Variants in FOXP2 observed in about 807,000 individuals in gnomAD.
The protein encoded by FOXP2 is forkhead box P2, also known as forkhead box protein P2.
In FOXP2, 12 loss-of-function variants were observed where a neutral mutation model predicts 115.8. The observed-to-expected ratio is 0.10, with a 90% CI of 0.07 to 0.17. The LOEUF (loss-of-function observed/expected upper bound fraction) is 0.17. FOXP2 is among the 10% of genes least tolerant of loss of function. FOXP2 has a pLI of 1.00. For missense variants in FOXP2, 629 were observed against 843.5 expected, an observed-to-expected ratio of 0.75 and a Z score of 3.15; for synonymous variants, 328 against 297.7, an observed-to-expected ratio of 1.10 and a Z score of -1.05.
At chr7:114,426,478 T>C (rs1320085548) in intron 1 of FOXP2, 24 bp from the exon 2 acceptor site, 7 of 1,607,378 alleles carry the variant, frequency 4.4e-6, no homozygotes, top group Admixed American at 1.7e-5. Flanking sequence ...CGTGTGTTAA[T>C]TGATACTTCT....
intron 1 of FOXP2, among the ~76,000 whole-genome samples, chr7:114,216,224 A>G (rs1794481257): frequency 6.6e-6 from 1 of 152,230 alleles, no homozygotes; most frequent in Non-Finnish European, 1.5e-5. Context: ...TCGCCTCATG[A>G]ACATGTGCGG....
At chr7:114,232,302 A>C (rs1370063085) in intron 1 of FOXP2, among the ~76,000 whole-genome samples, 1 of 152,222 alleles carries the variant, frequency 6.6e-6, no homozygotes, top group Non-Finnish European at 1.5e-5. Context: ...GTAAACAGTA[A>C]GGAGATTCTT....
intron 2 of FOXP2, among the ~76,000 whole-genome samples, chr7:114,483,767 A>G (rs957563649): frequency 6.6e-6 from 1 of 151,782 alleles, no homozygotes; most frequent in African/African-American, 2.4e-5. Context: ...TACACATAAT[A>G]GTTGTTCAAC....
chr7:114,300,407 G>A (rs951349995), intron 2 of FOXP2, among the ~76,000 whole-genome samples: 1 of 151,800 alleles, frequency 6.6e-6, no homozygotes, highest in African/African-American at 2.4e-5. Flanking sequence ...AAAAATATCA[G>A]TGATTATTTC....
rs1230115579 is a variant in FOXP2, at chr7:114,658,204, G to A, written c.1405G>A (p.Val469Met). The A allele has an allele frequency of 6.2e-7, 1 of 1,613,836 alleles. No homozygotes were observed. Among genetic ancestry groups the A allele is most frequent in the Admixed American group, 1.7e-5 (1 of 59,974 alleles). ...ACCCTCAGTAATCACCCCAGCCAGT[G>A]TGCCCAATGTGGGAGCCATACGAAG... Reference protein sequence around the residue: ...QGPSVITPASVPNVGAIRRRH... With the variant: ...QGPSVITPASMPNVGAIRRRH... Residue 469 changes from valine (V) to methionine (M), a missense_variant, in exon 11 of 17, where the codon GTG becomes ATG. Coordinates refer to ENST00000350908, the MANE Select transcript of FOXP2 (RefSeq NM_014491.4).
intron 2 of FOXP2, among the ~76,000 whole-genome samples, chr7:114,436,397 G>A (rs535091970): frequency 1.5e-4 from 23 of 150,808 alleles, no homozygotes; most frequent in African/African-American, 5.6e-4. Context: ...GTTTTATGAG[G>A]GCAAGGGCCA....
At chr7:114,647,017 A>G (rs527330472) in intron 8 of FOXP2, among the ~76,000 whole-genome samples, 1 of 152,024 alleles carries the variant, frequency 6.6e-6, no homozygotes, top group African/African-American at 2.4e-5. Flanking sequence ...TTGTGTATCC[A>G]TTCTCCCTAA....
chr7:114,315,087 A>C (rs1365597776), intron 2 of FOXP2, among the ~76,000 whole-genome samples: 1 of 152,126 alleles, frequency 6.6e-6, no homozygotes. Context: ...AACACTAAAC[A>C]ATGTCAATCC....
chr7:114,419,220 C>T (rs1793488712), intron 1 of FOXP2, among the ~76,000 whole-genome samples: 1 of 151,828 alleles, frequency 6.6e-6, no homozygotes, highest in Admixed American at 6.6e-5. Context: ...TACTTTATGA[C>T]ATACTGTTAT....
intron 1 of FOXP2, among the ~76,000 whole-genome samples, chr7:114,280,274 A>T (rs546980512): frequency 2.0e-5 from 3 of 152,034 alleles, no homozygotes; most frequent in Non-Finnish European, 2.9e-5. Flanking sequence ...TGATTATAAA[A>T]TTTTTTTACC....
chr7:114,493,974 A>G (rs1797190831), intron 2 of FOXP2, among the ~76,000 whole-genome samples: 1 of 151,980 alleles, frequency 6.6e-6, no homozygotes, highest in East Asian at 1.9e-4. Context: ...TTGTTCTATA[A>G]TTCTAATGTC....
chr7:114,458,546 C>CTTTTTTT lies in FOXP2; in HGVS notation c.168+31880_168+31886dup, dbSNP rs1177402028. Among the ~76,000 whole-genome samples, 83 of 113,364 alleles carry CTTTTTTT rather than the reference C, an allele frequency of 7.3e-4. 1 individual carries two copies. The highest frequency in any genetic ancestry group is 8.4e-4 in the Non-Finnish European group (48 of 56,816). 74.4% of individuals were successfully genotyped at this position (113,364 alleles called of 152,430 possible). On this transcript the variant is annotated intron_variant, in intron 2 of 16. Transcript: ENST00000350908. ...TTGCTTAACTATGATATTTTCTTTT[C>CTTTTTTT]TTTTTTTTTTTTTTTTTTTGAGACA...
intron 2 of FOXP2, among the ~76,000 whole-genome samples, chr7:114,299,403 G>T (rs890541934): frequency 3.3e-5 from 5 of 151,910 alleles, no homozygotes; most frequent in African/African-American, 1.2e-4. Context: ...ATGGGAAACT[G>T]ATCCCATATC....
chr7:114,330,748 A>T (rs779694919), intron 2 of FOXP2, among the ~76,000 whole-genome samples: 1 of 152,074 alleles, frequency 6.6e-6, no homozygotes, highest in Non-Finnish European at 1.5e-5. Context: ...CTCAATAAAG[A>T]TATATGTTTT....
At chr7:114,237,894 G>A (rs879813987) in intron 1 of FOXP2, among the ~76,000 whole-genome samples, 13 of 152,094 alleles carry the variant, frequency 8.5e-5, no homozygotes, top group Non-Finnish European at 1.8e-4. Context: ...AGAATTGCTT[G>A]AACCCAGGAG....
chr7:114,381,345 C>G (rs1792287146), intron 2 of FOXP2, among the ~76,000 whole-genome samples: 1 of 152,140 alleles, frequency 6.6e-6, no homozygotes, highest in African/African-American at 2.4e-5. Context: ...ACTTGGGTGG[C>G]TTGATGGCAC....
At chr7:114,331,155 A>G (rs1406423468) in intron 2 of FOXP2, among the ~76,000 whole-genome samples, 4 of 152,202 alleles carry the variant, frequency 2.6e-5, no homozygotes. Flanking sequence ...ATACTTTTTG[A>G]TAAATAAGAC....
chr7:114,286,330 T>C (rs936760423), intron 1 of FOXP2, among the ~76,000 whole-genome samples: 16 of 152,170 alleles, frequency 1.1e-4, no homozygotes, highest in Admixed American at 4.6e-4. Flanking sequence ...TTTTGAACTT[T>C]ACTTTGATAT....
At chr7:114,610,121 A>G (rs1318283540) in intron 3 of FOXP2, among the ~76,000 whole-genome samples, 1 of 152,202 alleles carries the variant, frequency 6.6e-6, no homozygotes, top group Non-Finnish European at 1.5e-5. Flanking sequence ...GTATGTAGTG[A>G]TTTATGGACT....
Sources: gnomAD v4.1 joint callset for allele counts (sites outside exome capture counted in the v4.1 genomes callset) on GRCh38, gnomAD v4.1.1 for gene constraint, MANE v1.5 for transcripts, NCBI Gene and HGNC (gene_info 2026-07-23, HGNC 2026-07-21) for gene names.